Variants in ASS1 observed in about 807,000 individuals in gnomAD.
ASS1 encodes the protein argininosuccinate synthase.
ASS1 carries 58 observed loss-of-function variants against 60.5 expected under a neutral mutation model. That is an observed-to-expected ratio of 0.96 (90% CI 0.78 to 1.19). ASS1 has a LOEUF of 1.19. Ranked by LOEUF, ASS1 falls within the 50% of genes most tolerant of loss-of-function variation. The pLI, the probability that ASS1 is intolerant of heterozygous loss-of-function variation, is 0.00. For missense variants in ASS1, 454 were observed against 547.3 expected (o/e 0.83, Z 1.70); for synonymous variants, 200 against 206.9 (o/e 0.97, Z 0.29).
chr9:130,477,023 C>T lies in ASS1; in HGVS notation c.688+62C>T. On this transcript the variant is annotated intron_variant, in intron 9 of 14. Transcript: ENST00000352480. The surrounding 1 kb of genome is among the most constrained non-coding windows in gnomAD (Gnocchi z 4.2). ...CTTTTGGGGCCCTGGCTCCTTTCCC[C>T]TCCCTGCCTGGGAACCTAGGCCCTC... is the stretch of plus-strand genomic sequence containing the variant. The T allele has an allele frequency of 6.5e-7, 1 of 1,530,414 alleles. No individual in the cohort carries two copies. The highest frequency in any genetic ancestry group is 1.1e-5 in the South Asian group (1 of 89,144). The allele number at this position is 1,530,414 out of a possible 1,614,324, so 94.8% of individuals were successfully genotyped here.
chr9:130,460,460 G>A (rs1307616473), intron 4 of ASS1, among the ~76,000 whole-genome samples: 1 of 152,210 alleles, frequency 6.6e-6, no homozygotes, highest in African/African-American at 2.4e-5. Context: ...GAAAATGGAT[G>A]TGTGATGAGG....
At chr9:130,451,808 G>T in intron 1 of ASS1, 1 of 460,884 alleles carries the variant, frequency 2.2e-6, no homozygotes, top group South Asian at 1.5e-5. Flanking sequence ...GCAAGGAGCA[G>T]TTCTGATGGG....
At chr9:130,484,817 A>ACG (rs894883623) in intron 11 of ASS1, among the ~76,000 whole-genome samples, 2 of 151,864 alleles carry the variant, frequency 1.3e-5, no homozygotes, top group African/African-American at 4.8e-5. Context: ...ACACACACAC[A>ACG]CACACACACA....
chr9:130,490,377 G>T (rs765046302), intron 12 of ASS1, among the ~76,000 whole-genome samples: 2 of 152,056 alleles, frequency 1.3e-5, no homozygotes, highest in African/African-American at 4.8e-5. Flanking sequence ...GCAATGGTGC[G>T]ATCTTGGCTC....
At chr9:130,463,262 G>A (rs1212152506) in intron 4 of ASS1, among the ~76,000 whole-genome samples, 2 of 152,256 alleles carry the variant, frequency 1.3e-5, no homozygotes, top group Non-Finnish European at 2.9e-5. Flanking sequence ...AGCAGGAGAC[G>A]TGCGCGGCCA....
intron 2 of ASS1, among the ~76,000 whole-genome samples, chr9:130,453,186 G>T (rs1845363512): frequency 6.6e-6 from 1 of 152,234 alleles, no homozygotes; most frequent in Non-Finnish European, 1.5e-5. Context: ...GGGCCCATGG[G>T]GACCCACCAC....
intron 8 of ASS1, among the ~76,000 whole-genome samples, chr9:130,472,779 G>A (rs993858883): frequency 1.3e-5 from 2 of 152,186 alleles, no homozygotes; most frequent in Admixed American, 6.5e-5. Flanking sequence ...TCCAAGGGAG[G>A]CAGGGAGGCC....
rs112943962 is a variant in ASS1, at chr9:130,496,897, G to T, written c.1127+1874G>T. On this transcript the variant is annotated intron_variant, in intron 13 of 14. Coordinates refer to ENST00000352480, the MANE Select transcript of ASS1 (RefSeq NM_054012.4). ...GTCCCCTAAGGCCCAGCTTAGCTCA[G>T]GCTAAGGCCAGCCCCTCCCTCCTGG... Among the ~76,000 whole-genome samples, 549 of 152,372 alleles carry T rather than the reference G, an allele frequency of 3.6e-3. 1 individual carries two copies. The highest frequency in any genetic ancestry group is 6.6e-3 in the Non-Finnish European group (447 of 68,038).
At chr9:130,466,871 G>A in intron 6 of ASS1, 72 bp downstream of exon 6, 1 of 1,541,610 alleles carries the variant, frequency 6.5e-7, no homozygotes, top group Non-Finnish European at 8.9e-7. Context: ...CCTGCTGGGG[G>A]CTGTCTGAGC....
intron 5 of ASS1, 78 bp from the exon 6 acceptor site, chr9:130,466,647 G>T: frequency 7.0e-7 from 1 of 1,435,120 alleles, no homozygotes; most frequent in East Asian, 2.3e-5. Context: ...TCCCAGGAGA[G>T]GCCAGCTCTG....
chr9:130,454,686 A>C (rs1845399463), intron 3 of ASS1, among the ~76,000 whole-genome samples: 1 of 151,796 alleles, frequency 6.6e-6, no homozygotes. Flanking sequence ...ACTCGTCCAC[A>C]TATCCATCCA....
At chr9:130,461,299 G>T (rs1845585306) in intron 4 of ASS1, among the ~76,000 whole-genome samples, 1 of 152,178 alleles carries the variant, frequency 6.6e-6, no homozygotes, top group African/African-American at 2.4e-5. Flanking sequence ...CATTTAGCCT[G>T]CAACAGCCTC....
Position 130,470,977 on chromosome 9 carries a change from A to C in ASS1, c.566+73A>C. ...AAGGACGGCCACGCGCTGCCCCAGGACGTCCTGGTGACCCCCACACCAGTG... is the reference window on the plus strand; with the variant it reads ...AAGGACGGCCACGCGCTGCCCCAGGCCGTCCTGGTGACCCCCACACCAGTG... On this transcript the variant is annotated intron_variant, in intron 7 of 14. Transcript: ENST00000352480. This position sits in a 1 kb window ranked among gnomAD's most constrained non-coding sequence, Gnocchi z 4.3. 1 of 1,541,662 alleles carries C rather than the reference A, an allele frequency of 6.5e-7. No homozygotes were observed. The highest frequency in any genetic ancestry group is 9.0e-7 in the Non-Finnish European group (1 of 1,116,226).
rs565173139 is a variant in ASS1, at chr9:130,497,345, C to T, written c.1128-2160C>T. 3.6e-3 allele frequency among the ~76,000 whole-genome samples: 543 copies of T among 152,280 alleles called. 5 individuals carry two copies. Among genetic ancestry groups the T allele is most frequent in the African/African-American group, 0.012 (515 of 41,574 alleles). ...CCTTGAGTGACAGCGTCACAGGGAC[C>T]AGCGAGGAAGCCGTGAGAGGTAGCA... On this transcript the variant is annotated intron_variant, in intron 13 of 14. Coordinates refer to ENST00000352480, the MANE Select transcript of ASS1 (RefSeq NM_054012.4).
In ASS1 at chr9:130,478,314, A is replaced by G. The variant is rs1846074232; in HGVS notation, c.688+1353A>G. 6.6e-6 allele frequency among the ~76,000 whole-genome samples: 1 copy of G among 152,170 alleles called. No individual in the cohort carries two copies. The highest frequency in any genetic ancestry group is 6.5e-5 in the Admixed American group (1 of 15,276). ...AGAAGATGGTGGGAGTGGCCCCAGC[A>G]GCACCTCCTGGCTCCCTGCACAGGG... On this transcript the variant is annotated intron_variant, in intron 9 of 14. Transcript: ENST00000352480. This position sits in a 1 kb window ranked among gnomAD's most constrained non-coding sequence, Gnocchi z 4.7.
chr9:130,483,203 T>A (rs941678002), intron 11 of ASS1, among the ~76,000 whole-genome samples: 1 of 151,788 alleles, frequency 6.6e-6, no homozygotes, highest in African/African-American at 2.4e-5. Context: ...TGTACAGTAA[T>A]GAGAGAAGCT....
intron 11 of ASS1, among the ~76,000 whole-genome samples, chr9:130,486,855 C>G (rs1846316034): frequency 6.6e-6 from 1 of 152,226 alleles, no homozygotes; most frequent in Non-Finnish European, 1.5e-5. Context: ...GAACACGGAG[C>G]CATGGTGAGA....
At chr9:130,450,274 TG>T in intron 1 of ASS1, 1 of 988,032 alleles carries the variant, frequency 1.0e-6, no homozygotes, top group Non-Finnish European at 1.2e-6. Context: ...TTTTGCAGAG[TG>T]GTTCACTGCA....
chr9:130,451,119 A>G (rs968319075), intron 1 of ASS1, among the ~76,000 whole-genome samples: 7 of 152,162 alleles, frequency 4.6e-5, no homozygotes, highest in Admixed American at 1.3e-4. Context: ...CACAGGAGGC[A>G]TGTGGGGGAG....
Sources: gnomAD v4.1 joint callset for allele counts (sites outside exome capture counted in the v4.1 genomes callset) on GRCh38, gnomAD v4.1.1 for gene constraint, Gnocchi (gnomAD v3.1) non-coding constraint, MANE v1.5 for transcripts, NCBI Gene and HGNC (gene_info 2026-07-23, HGNC 2026-07-21) for gene names.